Variants in KHDRBS3 observed in about 807,000 individuals in gnomAD.
The protein encoded by KHDRBS3 is KH RNA binding domain containing, signal transduction associated 3, also known as KH domain-containing, RNA-binding, signal transduction-associated protein 3.
In KHDRBS3, 23 loss-of-function variants were observed where a neutral mutation model predicts 45.6. The observed-to-expected ratio is 0.50, with a 90% CI of 0.36 to 0.72. The LOEUF is 0.72. KHDRBS3 is among the 30% of genes least tolerant of loss of function. The probability of loss-of-function intolerance (pLI) is 0.00; values close to 1 mark genes in which losing one functional copy is unlikely to be tolerated. For missense variants in KHDRBS3, 352 were observed against 424.8 expected (o/e 0.83, Z 1.51); for synonymous variants, 162 against 156.5 (o/e 1.04, Z -0.26).
In KHDRBS3 at chr8:135,653,503, T is replaced by G. The variant is rs1288298846; in HGVS notation, c.*118-2723T>G. On this transcript the variant is annotated intron_variant and NMD_transcript_variant, in intron 4 of 4. Transcript: ENST00000521461. ...TCAGTAGAAACTGTACTTCAGATTT[T>G]GAATATGTATCTTTTCTGCAGCTAG... Among the ~76,000 whole-genome samples the G allele has an allele frequency of 2.0e-5, 3 of 152,216 alleles. No individual in the cohort carries two copies. The East Asian group carries it at 5.8e-4, about 29-fold the overall frequency.
intron 1 of KHDRBS3, among the ~76,000 whole-genome samples, chr8:135,474,506 A>G (rs148958675): frequency 6.6e-6 from 1 of 152,268 alleles, no homozygotes; most frequent in East Asian, 1.9e-4. Context: ...ATTTAACACC[A>G]TTGGTCCAAA....
intron 6 of KHDRBS3, among the ~76,000 whole-genome samples, chr8:135,599,037 G>T (rs79530196): frequency 0.057 from 8,720 of 152,232 alleles, 324 homozygotes; most frequent in African/African-American, 0.1. Flanking sequence ...AATTAAATAG[G>T]TCATACTGTT....
chr8:135,608,488 T>TACAAC (rs1282955444), intron 7 of KHDRBS3, among the ~76,000 whole-genome samples: 14 of 152,294 alleles, frequency 9.2e-5, no homozygotes, highest in African/African-American at 3.1e-4. Flanking sequence ...ATAAAGCTGA[T>TACAAC]GGTATTGCTG....
chr8:135,492,162 G>A (rs963104199), intron 1 of KHDRBS3, among the ~76,000 whole-genome samples: 1 of 151,860 alleles, frequency 6.6e-6, no homozygotes, highest in African/African-American at 2.4e-5. Flanking sequence ...CAAAATTCAG[G>A]GATCCCTATG....
Position 135,625,484 on chromosome 8 carries a change from T to C in KHDRBS3, c.890+18447T>C, listed in dbSNP as rs116608046. ...AGCCTTAGGAGCCACAGCAGTTCTC[T>C]GTGTTGAGATGGGCCTCAGGGGAGC... On this transcript the variant is annotated intron_variant, in intron 7 of 8. Transcript: ENST00000355849. 449 of 785,270 alleles carry C rather than the reference T, an allele frequency of 5.7e-4. 1 individual carries two copies. In the African/African-American group the frequency reaches 6.1e-3, roughly 11 times the overall value. The allele number at this position is 785,270 out of a possible 1,614,324, so 48.6% of individuals were successfully genotyped here. A position where few individuals can be genotyped will look rare whatever the true frequency, so the allele number is the denominator to read the frequency against.
chr8:135,552,043 G>A (rs1467680031), intron 4 of KHDRBS3, among the ~76,000 whole-genome samples: 1 of 152,114 alleles, frequency 6.6e-6, no homozygotes, highest in Non-Finnish European at 1.5e-5. Flanking sequence ...GTTCTCCTGT[G>A]TATAATCTGT....
chr8:135,646,248 A>G (rs10099186), intron 8 of KHDRBS3, among the ~76,000 whole-genome samples: 57,402 of 151,904 alleles, frequency 0.38, 12,401 homozygotes, highest in South Asian at 0.53. Context: ...TTTGATGTCC[A>G]AGACTTATAG....
At chr8:135,630,173 C>A (rs1288543030) in intron 7 of KHDRBS3, among the ~76,000 whole-genome samples, 1 of 152,228 alleles carries the variant, frequency 6.6e-6, no homozygotes, top group African/African-American at 2.4e-5. Flanking sequence ...GATGGAGCAT[C>A]AATGCCTGTG....
intron 1 of KHDRBS3, among the ~76,000 whole-genome samples, chr8:135,511,040 C>G (rs1824257487): frequency 6.6e-6 from 1 of 152,184 alleles, no homozygotes; most frequent in Non-Finnish European, 1.5e-5. Flanking sequence ...CTTGTAATAA[C>G]TTGGTGAGTT....
At chr8:135,614,398 C>A (rs1188343869) in intron 7 of KHDRBS3, among the ~76,000 whole-genome samples, 1 of 151,702 alleles carries the variant, frequency 6.6e-6, no homozygotes, top group Non-Finnish European at 1.5e-5. Flanking sequence ...TTATTTTATT[C>A]TAAGCTAAGT....
chr8:135,512,950 C>T (rs1824378970), intron 1 of KHDRBS3, among the ~76,000 whole-genome samples: 1 of 152,160 alleles, frequency 6.6e-6, no homozygotes, highest in African/African-American at 2.4e-5. Context: ...CAGTGGCTCA[C>T]ACCTGTAATC....
intron 5 of KHDRBS3, among the ~76,000 whole-genome samples, chr8:135,575,173 G>T (rs1359042458): frequency 1.3e-5 from 2 of 152,196 alleles, no homozygotes; most frequent in African/African-American, 4.8e-5. Flanking sequence ...TGACGAAAAA[G>T]TGTTATTTTT....
intron 1 of KHDRBS3, among the ~76,000 whole-genome samples, chr8:135,473,341 C>CACAT (rs1169010640): frequency 1.3e-5 from 2 of 152,306 alleles, no homozygotes; most frequent in Admixed American, 6.5e-5. Flanking sequence ...TCCACACCAG[C>CACAT]ACATGCATGC....
chr8:135,597,088 C>T (rs1343198821), intron 6 of KHDRBS3, among the ~76,000 whole-genome samples: 1 of 152,094 alleles, frequency 6.6e-6, no homozygotes, highest in East Asian at 1.9e-4. Context: ...GAAATGTATT[C>T]TCACATTTTT....
chr8:135,536,520 A>T (rs567203202), intron 2 of KHDRBS3, among the ~76,000 whole-genome samples: 11 of 152,180 alleles, frequency 7.2e-5, no homozygotes, highest in African/African-American at 2.4e-4. Context: ...GAGGTGTAAT[A>T]TGGGCAACTT....
At chr8:135,554,952 A>G (rs1401438225) in intron 4 of KHDRBS3, among the ~76,000 whole-genome samples, 3 of 152,170 alleles carry the variant, frequency 2.0e-5, no homozygotes, top group Non-Finnish European at 2.9e-5. Flanking sequence ...CCTGCAAACT[A>G]TGATCCTTTC....
intron 6 of KHDRBS3, among the ~76,000 whole-genome samples, chr8:135,585,136 G>A (rs1216591423): frequency 1.8e-4 from 27 of 151,218 alleles, no homozygotes; most frequent in African/African-American, 5.8e-4. Context: ...GGCTGAGGTG[G>A]GAGAATTGCT....
intron 1 of KHDRBS3, among the ~76,000 whole-genome samples, chr8:135,477,224 T>G (rs565583758): frequency 6.6e-6 from 1 of 152,150 alleles, no homozygotes; most frequent in Non-Finnish European, 1.5e-5. Flanking sequence ...TTGTAGATAA[T>G]AAAACTAAGC....
chr8:135,625,690 T>G, intron 7 of KHDRBS3: 2 of 795,082 alleles, frequency 2.5e-6, no homozygotes, highest in East Asian at 2.4e-5. Context: ...AACTTTCCTT[T>G]TACTAATTTG....
Sources: gnomAD v4.1 joint callset for allele counts (sites outside exome capture counted in the v4.1 genomes callset) on GRCh38, gnomAD v4.1.1 for gene constraint, MANE v1.5 for transcripts, NCBI Gene and HGNC (gene_info 2026-07-23, HGNC 2026-07-21) for gene names.